Variants in ZNF385D observed in about 807,000 individuals in gnomAD.
The protein encoded by ZNF385D is zinc finger protein 659.
Under a neutral mutation model 35.8 loss-of-function variants are expected in ZNF385D, and 15 were observed. That is an observed-to-expected ratio of 0.42 (90% CI 0.28 to 0.64). ZNF385D has a LOEUF of 0.64. Ranked by LOEUF, ZNF385D falls within the 30% of genes least tolerant of loss-of-function variation. ZNF385D has a pLI of 0.23. For missense variants in ZNF385D, 474 were observed against 494.6 expected (o/e 0.96, Z 0.39); for synonymous variants, 212 against 186.8 (o/e 1.13, Z -1.10).
Position 22,191,820 on chromosome 3 carries a change from A to G in ZNF385D, c.107-22785T>C, listed in dbSNP as rs549287463. The stretch of plus-strand genomic sequence containing the variant: ...GAATAAAATAACCTAGGTCTTATTA[A>G]AAATTACCACTTCATGAGAAAAACA... On this transcript the variant is annotated intron_variant, in intron 2 of 5. Transcript: ENST00000494108. 3.3e-5 allele frequency among the ~76,000 whole-genome samples: 5 copies of G among 152,306 alleles called. No individual in the cohort carries two copies. The East Asian group carries it at 9.7e-4, about 29-fold the overall frequency.
chr3:21,731,915 A>G (rs909587047), intron 1 of ZNF385D, among the ~76,000 whole-genome samples: 1 of 151,782 alleles, frequency 6.6e-6, no homozygotes, highest in Non-Finnish European at 1.5e-5. Flanking sequence ...ATAATATAGC[A>G]TCATGTAGAT....
At chr3:22,369,102 A>G (rs552133722) in intron 2 of ZNF385D, among the ~76,000 whole-genome samples, 141 of 152,300 alleles carry the variant, frequency 9.3e-4, no homozygotes, top group Non-Finnish European at 1.8e-3. Context: ...ACTAAGAAGT[A>G]CCATCTACCT....
intron 4 of ZNF385D, among the ~76,000 whole-genome samples, chr3:21,498,936 A>T (rs146454854): frequency 0.063 from 7,805 of 124,126 alleles, 276 homozygotes; most frequent in South Asian, 0.086. Flanking sequence ...ACAGAGCAAG[A>T]CTCCATCTCA....
At chr3:22,124,552 G>C (rs1020752302) in intron 3 of ZNF385D, among the ~76,000 whole-genome samples, 5 of 151,964 alleles carry the variant, frequency 3.3e-5, no homozygotes, top group African/African-American at 1.2e-4. Flanking sequence ...CAGTGTATGA[G>C]GATTCCTGTC....
intron 4 of ZNF385D, among the ~76,000 whole-genome samples, chr3:21,496,338 G>C (rs1705845016): frequency 7.1e-6 from 1 of 140,668 alleles, no homozygotes; most frequent in Admixed American, 7.3e-5. Context: ...CCAACTTTAG[G>C]TATCAAGTAT....
At chr3:21,658,353 C>T (rs1333053806) in intron 2 of ZNF385D, among the ~76,000 whole-genome samples, 1 of 151,972 alleles carries the variant, frequency 6.6e-6, no homozygotes, top group African/African-American at 2.4e-5. Flanking sequence ...AAGGAGATGA[C>T]TCGAGTCTAT....
In ZNF385D at chr3:21,842,554, C is replaced by T. The variant is rs557627107; in HGVS notation, c.326-177526G>A. On this transcript the variant is annotated intron_variant, in intron 3 of 5. Transcript: ENST00000494108. ...GCCATCACAGATACTCATGGCAATG[C>T]TTTTAAATATTAACCCTGTAATTAG... 5.9e-5 allele frequency among the ~76,000 whole-genome samples: 9 copies of T among 152,102 alleles called. No homozygotes were observed. In the East Asian group the frequency reaches 1.7e-3, roughly 29 times the overall value.
chr3:21,549,885 A>G (rs11708571), intron 3 of ZNF385D, among the ~76,000 whole-genome samples: 30,913 of 152,146 alleles, frequency 0.2, 3,945 homozygotes, highest in Middle Eastern at 0.29. Context: ...CAGCGGCAAC[A>G]ACATACTTAA....
At chr3:21,989,098 A>G (rs1183983685) in intron 3 of ZNF385D, among the ~76,000 whole-genome samples, 1 of 152,146 alleles carries the variant, frequency 6.6e-6, no homozygotes, top group Non-Finnish European at 1.5e-5. Context: ...ATGGAAATGC[A>G]GAAATCACCC....
chr3:21,754,587 G>T (rs922123365), upstream of ZNF385D, among the ~76,000 whole-genome samples: 1 of 151,976 alleles, frequency 6.6e-6, no homozygotes, highest in Admixed American at 6.6e-5. Flanking sequence ...ATTGCTCAAA[G>T]GTTTATCAGT....
At chr3:21,628,724 A>G (rs2065200997) in intron 2 of ZNF385D, among the ~76,000 whole-genome samples, 1 of 152,108 alleles carries the variant, frequency 6.6e-6, no homozygotes, top group Non-Finnish European at 1.5e-5. Flanking sequence ...AAGTCTAGGA[A>G]GGGGCCAGGG....
chr3:21,887,703 A>G (rs1188784877), intron 3 of ZNF385D, among the ~76,000 whole-genome samples: 2 of 152,146 alleles, frequency 1.3e-5, no homozygotes, highest in African/African-American at 4.8e-5. Flanking sequence ...GAAAAATTAT[A>G]AATTTAAAAT....
chr3:21,488,605 T>C (rs1705195271), intron 4 of ZNF385D, among the ~76,000 whole-genome samples: 1 of 152,038 alleles, frequency 6.6e-6, no homozygotes, highest in Admixed American at 6.6e-5. Context: ...TTCTAGTGAA[T>C]TTGACTCTCT....
chr3:21,940,331 CA>C (rs1701455945), intron 3 of ZNF385D, among the ~76,000 whole-genome samples: 1 of 152,148 alleles, frequency 6.6e-6, no homozygotes, highest in Non-Finnish European at 1.5e-5. Flanking sequence ...CATTTAGTGG[CA>C]AGTTGCTTAC....
intron 2 of ZNF385D, among the ~76,000 whole-genome samples, chr3:22,210,469 A>T (rs1371361844): frequency 6.6e-6 from 1 of 151,984 alleles, no homozygotes; most frequent in South Asian, 2.1e-4. Context: ...CCATCTAAAG[A>T]ATCCATACAG....
intron 4 of ZNF385D, among the ~76,000 whole-genome samples, chr3:21,457,122 C>T (rs777646593): frequency 1.3e-5 from 2 of 151,960 alleles, no homozygotes; most frequent in Non-Finnish European, 2.9e-5. Context: ...AATAGATTCC[C>T]AATAAATATT....
At chr3:21,950,188 T>C (rs1319720621) in intron 3 of ZNF385D, among the ~76,000 whole-genome samples, 1 of 151,822 alleles carries the variant, frequency 6.6e-6, no homozygotes, top group Non-Finnish European at 1.5e-5. Context: ...GTAAAAGTGT[T>C]CCTGTTTCTC....
intron 3 of ZNF385D, among the ~76,000 whole-genome samples, chr3:21,888,091 T>C (rs1466339448): frequency 1.3e-5 from 2 of 152,134 alleles, no homozygotes; most frequent in Non-Finnish European, 2.9e-5. Context: ...CCCCCCTTTT[T>C]TGGAAAAAAC....
At chr3:22,350,127 C>T (rs1325677551) in intron 2 of ZNF385D, among the ~76,000 whole-genome samples, 1 of 152,122 alleles carries the variant, frequency 6.6e-6, no homozygotes, top group Non-Finnish European at 1.5e-5. Flanking sequence ...ATGTCCAATA[C>T]AATACTGCTT....
Sources: gnomAD v4.1 joint callset for allele counts (sites outside exome capture counted in the v4.1 genomes callset) on GRCh38, gnomAD v4.1.1 for gene constraint, MANE v1.5 for transcripts, NCBI Gene and HGNC (gene_info 2026-07-23, HGNC 2026-07-21) for gene names.